The following RIMBP2 variants were observed in gnomAD, a reference collection of about 807,000 sequenced individuals.
RIMBP2 encodes RIMS-binding protein 2.
RIMBP2 carries 48 observed loss-of-function variants against 118.6 expected under a neutral mutation model. The ratio of observed to expected loss-of-function variants is 0.40; its 90% CI spans 0.32 to 0.51. The LOEUF is 0.51. Ranked by LOEUF, RIMBP2 falls within the 20% of genes least tolerant of loss-of-function variation. The pLI, the probability that RIMBP2 is intolerant of heterozygous loss-of-function variation, is 0.41. For missense variants in RIMBP2, 1,551 were observed against 1,768.3 expected, an observed-to-expected ratio of 0.88 and a Z score of 2.20; for synonymous variants, 762 against 742.9, an observed-to-expected ratio of 1.03 and a Z score of -0.42.
rs996309820 is a variant in RIMBP2, at chr12:130,703,697, C to G, written c.-352+12525G>C. 6.6e-6 allele frequency among the ~76,000 whole-genome samples: 1 copy of G among 152,240 alleles called. No individual in the cohort carries two copies. The highest frequency in any genetic ancestry group is 2.4e-5 in the African/African-American group (1 of 41,462). ...AGCCTCCCCTGGGGTCGGGTGGCTT[C>G]TCCACGTCTTAAATAAGATTCAGTT... On this transcript the variant is annotated intron_variant, in intron 1 of 22. Transcript: ENST00000690449. The surrounding 1 kb of genome is among the most constrained non-coding windows in gnomAD (Gnocchi z 5.7).
chr12:130,663,728 G>T (rs947246240), intron 1 of RIMBP2, among the ~76,000 whole-genome samples: 1 of 151,708 alleles, frequency 6.6e-6, no homozygotes, highest in African/African-American at 2.4e-5. Context: ...GGAACTTCCC[G>T]CTGGGTACTT....
At chr12:130,573,413 C>T (rs894805699) in intron 2 of RIMBP2, among the ~76,000 whole-genome samples, 110 of 151,224 alleles carry the variant, frequency 7.3e-4, no homozygotes, top group African/African-American at 2.6e-3. Flanking sequence ...CGACTGTGTG[C>T]GTGTGAGTGT....
chr12:130,456,801 T>C, intron 6 of RIMBP2, 101 bp from the exon 7 acceptor site: 1 of 806,210 alleles, frequency 1.2e-6, no homozygotes, highest in Non-Finnish European at 2.0e-6. Context: ...ATGTGCACTG[T>C]GTGCACGTGT....
chr12:130,561,224 G>T (rs1370286137), intron 2 of RIMBP2, among the ~76,000 whole-genome samples: 1 of 152,156 alleles, frequency 6.6e-6, no homozygotes, highest in African/African-American at 2.4e-5. Context: ...TCCAGAACTG[G>T]GAGAGAATAA....
At chr12:130,618,024 T>TTTAACAAAAAAAA (rs71088771) in intron 2 of RIMBP2, among the ~76,000 whole-genome samples, 1 of 65,826 alleles carries the variant, frequency 1.5e-5, no homozygotes, top group African/African-American at 5.5e-5. Flanking sequence ...AGACCTCTTC[T>TTTAACAAAAAAAA]AAAAAAAAAA....
At chr12:130,553,429 C>G (rs1404855291) in intron 2 of RIMBP2, among the ~76,000 whole-genome samples, 7 of 152,106 alleles carry the variant, frequency 4.6e-5, no homozygotes, top group Admixed American at 4.6e-4. Context: ...ATCAATATAT[C>G]AAGATGTATA....
intron 4 of RIMBP2, among the ~76,000 whole-genome samples, chr12:130,504,595 G>A (rs1377553874): frequency 4.6e-5 from 7 of 152,144 alleles, no homozygotes; most frequent in African/African-American, 7.2e-5. Flanking sequence ...AGAAAGGCAC[G>A]CAGTCCTGCC....
At chr12:130,448,814 CA>C (rs1487186404) in intron 9 of RIMBP2, among the ~76,000 whole-genome samples, 1 of 152,266 alleles carries the variant, frequency 6.6e-6, no homozygotes, top group African/African-American at 2.4e-5. Context: ...GCATCTACCC[CA>C]GTGCTTCTGC....
chr12:130,403,079 AG>A (rs1325628993), intron 21 of RIMBP2, among the ~76,000 whole-genome samples: 4 of 152,224 alleles, frequency 2.6e-5, no homozygotes, highest in African/African-American at 9.7e-5. Context: ...GAGAAAGAGG[AG>A]GGTGATATTA....
intron 2 of RIMBP2, among the ~76,000 whole-genome samples, chr12:130,611,895 A>G (rs1280503429): frequency 6.6e-6 from 1 of 152,216 alleles, no homozygotes; most frequent in Admixed American, 6.5e-5. Flanking sequence ...CCCCAGGTCT[A>G]AGAAGTTGCT....
intron 2 of RIMBP2, among the ~76,000 whole-genome samples, chr12:130,619,348 G>A (rs1312805098): frequency 6.6e-6 from 1 of 152,206 alleles, no homozygotes; most frequent in Non-Finnish European, 1.5e-5. Flanking sequence ...AACCTCTGGA[G>A]CTCAGTCAGA....
chr12:130,536,052 G>A (rs757691112), intron 2 of RIMBP2, among the ~76,000 whole-genome samples: 24 of 152,064 alleles, frequency 1.6e-4, no homozygotes, highest in Non-Finnish European at 3.4e-4. Context: ...GCTTCCCAAA[G>A]TGCTGGCATT....
chr12:130,712,677 C>T (rs1815738356), intron 1 of RIMBP2, among the ~76,000 whole-genome samples: 1 of 152,306 alleles, frequency 6.6e-6, no homozygotes, highest in Non-Finnish European at 1.5e-5. Flanking sequence ...ATAAAAGTTA[C>T]AGTAAATCCA....
chr12:130,711,898 C>T (rs566217549), intron 1 of RIMBP2, among the ~76,000 whole-genome samples: 2 of 152,378 alleles, frequency 1.3e-5, no homozygotes, highest in Non-Finnish European at 2.9e-5. Flanking sequence ...CGCCCTGGCT[C>T]GATGGGCAAG....
chr12:130,532,467 TCAGCC>T (rs2053542039), intron 2 of RIMBP2, among the ~76,000 whole-genome samples: 1 of 147,508 alleles, frequency 6.8e-6, no homozygotes, highest in African/African-American at 2.6e-5. Flanking sequence ...ATGCGTGTGT[TCAGCC>T]TCTAGGAGTT....
At chr12:130,610,512 C>A (rs949875689) in intron 2 of RIMBP2, among the ~76,000 whole-genome samples, 4 of 144,356 alleles carry the variant, frequency 2.8e-5, no homozygotes, top group Non-Finnish European at 4.5e-5. Flanking sequence ...GTACAAGAGA[C>A]TAACAAACAT....
chr12:130,676,633 A>C lies in RIMBP2; in HGVS notation c.-352+39589T>G, dbSNP rs11061077. Among the ~76,000 whole-genome samples, 1,228 of 151,884 alleles carry C rather than the reference A, an allele frequency of 8.1e-3. 21 individuals carry two copies. Among genetic ancestry groups the C allele is most frequent in the African/African-American group, 0.028 (1,165 of 41,316 alleles). On this transcript the variant is annotated intron_variant, in intron 1 of 22. Coordinates refer to ENST00000690449, the MANE Select transcript of RIMBP2 (RefSeq NM_001393629.1). ...GCGAGAGTCTGTCTCAAAAAAAAAA[A>C]GAAAAAAGAAAAGAAAACACACACA...
chr12:130,654,283 T>C (rs1555319014), intron 1 of RIMBP2, among the ~76,000 whole-genome samples: 1 of 152,226 alleles, frequency 6.6e-6, no homozygotes, highest in Non-Finnish European at 1.5e-5. Flanking sequence ...TTGAATGCTT[T>C]GCTTCTTAGA....
chr12:130,404,455 G>A (rs569615559), intron 21 of RIMBP2, among the ~76,000 whole-genome samples: 1 of 152,022 alleles, frequency 6.6e-6, no homozygotes, highest in African/African-American at 2.4e-5. Flanking sequence ...ATGCCACCAC[G>A]CCCGGCTAAT....
Sources: gnomAD v4.1 joint callset for allele counts (sites outside exome capture counted in the v4.1 genomes callset) on GRCh38, gnomAD v4.1.1 for gene constraint, Gnocchi (gnomAD v3.1) non-coding constraint, MANE v1.5 for transcripts, NCBI Gene and HGNC (gene_info 2026-07-23, HGNC 2026-07-21) for gene names.